The following MFSD6 variants were observed in gnomAD, a reference collection of about 807,000 sequenced individuals.
MFSD6 encodes major facilitator superfamily domain containing 6, also known as major facilitator superfamily domain-containing protein 6.
MFSD6 carries 26 observed loss-of-function variants against 56.3 expected under a neutral mutation model. That is an observed-to-expected ratio of 0.46 (90% CI 0.34 to 0.64). The LOEUF is 0.64. Ranked by LOEUF, MFSD6 falls within the 30% of genes least tolerant of loss-of-function variation. The pLI is 0.01. For missense variants in MFSD6, 750 were observed against 986.2 expected (o/e 0.76, Z 3.21); for synonymous variants, 331 against 366.9 (o/e 0.90, Z 1.12).
In MFSD6 at chr2:190,436,784, C is replaced by T; in HGVS notation, c.755C>T (p.Pro252Leu). Residue 252 changes from proline (P) to leucine (L), a missense_variant, in exon 3 of 8, where the codon CCA (proline) becomes CTA (leucine). Around this residue, in one of 5 missense-constraint regions of MFSD6, gnomAD observed 376 missense variants for 437.9 expected, o/e 0.86. Coordinates refer to ENST00000392328, the MANE Select transcript of MFSD6 (RefSeq NM_017694.4). The surrounding 1 kb of genome is among the most constrained non-coding windows in gnomAD (Gnocchi z 5.3). ...LNSSTATPVS[P>L]GSVTKETTTV... is the part of the protein sequence containing the mutation. ...TCAAGCACAGCAACCCCTGTCTCCCCAGGAAGCGTAACCAAGGAGACAACC... is the reference window on the plus strand; with the variant it reads ...TCAAGCACAGCAACCCCTGTCTCCCTAGGAAGCGTAACCAAGGAGACAACC... 6.2e-7 allele frequency: 1 copy of T among 1,614,202 alleles called. No homozygotes were observed. The highest frequency in any genetic ancestry group is 8.5e-7 in the Non-Finnish European group (1 of 1,180,028).
At chr2:190,435,897 T>C in intron 2 of MFSD6, 80 bp from the exon 3 acceptor site, 1 of 1,216,194 alleles carries the variant, frequency 8.2e-7, no homozygotes, top group Non-Finnish European at 1.1e-6. Flanking sequence ...TGTAACTGCT[T>C]AATTTCCTGC....
rs1687567190 is a variant in MFSD6 at position 190,465,674 on chromosome 2, T to G, written c.1533-4084T>G. On this transcript the variant is annotated intron_variant, in intron 3 of 7. Transcript: ENST00000392328. The surrounding 1 kb of genome is among the most constrained non-coding windows in gnomAD (Gnocchi z 4.6). Reference sequence around the variant, plus strand: ...TTCATTTGCTTGGGTTACCACAAAGTACCACGGTCTGGGTGGCTTAAAAAA... The same window carrying G: ...TTCATTTGCTTGGGTTACCACAAAGGACCACGGTCTGGGTGGCTTAAAAAA... Among the ~76,000 whole-genome samples the G allele has an allele frequency of 1.3e-5, 2 of 152,200 alleles. No individual in the cohort carries two copies. Among genetic ancestry groups the G allele is most frequent in the Non-Finnish European group, 2.9e-5 (2 of 68,036 alleles).
At chr2:190,475,918 A>G (rs1369528482) in intron 4 of MFSD6, among the ~76,000 whole-genome samples, 4 of 152,174 alleles carry the variant, frequency 2.6e-5, no homozygotes, top group South Asian at 2.1e-4. Context: ...CATATCTACA[A>G]CTATCTGATC....
chr2:190,477,265 A>G, intron 4 of MFSD6: 1 of 984,078 alleles, frequency 1.0e-6, no homozygotes, highest in Non-Finnish European at 1.2e-6. Flanking sequence ...TAACAAGGTA[A>G]TATGCAACAC....
At chr2:190,478,114 T>C (rs1354830132) in intron 4 of MFSD6, among the ~76,000 whole-genome samples, 1 of 152,212 alleles carries the variant, frequency 6.6e-6, no homozygotes, top group African/African-American at 2.4e-5. Context: ...TCCCAGGATT[T>C]AGGGAGCTGG....
At position 190,492,856 on chromosome 2, in the gene MFSD6, C is replaced by T. The variant is rs995743286; in HGVS notation, c.1891+2990C>T. ...AATTTGCCACTCACCACCAAGCCAG[C>T]ACTACAAGAGCTGAAAGGAGCTCTA... On this transcript the variant is annotated intron_variant, in intron 6 of 7. Coordinates refer to ENST00000392328, the MANE Select transcript of MFSD6 (RefSeq NM_017694.4). This position sits in a 1 kb window ranked among gnomAD's most constrained non-coding sequence, Gnocchi z 5.2. 2.0e-5 allele frequency among the ~76,000 whole-genome samples: 3 copies of T among 151,746 alleles called. No homozygotes were observed. The highest frequency in any genetic ancestry group is 7.3e-5 in the African/African-American group (3 of 41,174).
chr2:190,433,299 T>C lies in MFSD6; in HGVS notation c.-53-2678T>C, dbSNP rs1686069997. 2 of 152,210 alleles carry C rather than the reference T, an allele frequency of 1.3e-5. No homozygotes were observed. Among genetic ancestry groups the C allele is most frequent in the Non-Finnish European group, 2.9e-5 (2 of 68,028 alleles). 9.4% of individuals were successfully genotyped at this position (152,210 alleles called of 1,614,324 possible). A position where few individuals can be genotyped will look rare whatever the true frequency, so the allele number is the denominator to read the frequency against. Reference sequence around the variant, plus strand: ...AATTAAATTAATTTAGAAAATAGATTTGAGGGCAAATTATTTTTTCTTTTC... The same window carrying C: ...AATTAAATTAATTTAGAAAATAGATCTGAGGGCAAATTATTTTTTCTTTTC... On this transcript the variant is annotated intron_variant, in intron 2 of 7. Transcript: ENST00000392328. This position sits in a 1 kb window ranked among gnomAD's most constrained non-coding sequence, Gnocchi z 4.5.
intron 2 of MFSD6, among the ~76,000 whole-genome samples, chr2:190,428,392 A>G (rs1388134966): frequency 1.3e-5 from 2 of 152,184 alleles, no homozygotes; most frequent in Non-Finnish European, 2.9e-5. Context: ...TTTTTAAAGT[A>G]GTGTATCAAT....
rs2125089205 is a variant in MFSD6 at position 190,451,696 on chromosome 2, CA to C, written c.1532+14136del. Among the ~76,000 whole-genome samples, 1 of 152,304 alleles carries C rather than the reference CA, an allele frequency of 6.6e-6. No individual in the cohort carries two copies. Among genetic ancestry groups the C allele is most frequent in the African/African-American group, 2.4e-5 (1 of 41,564 alleles). On this transcript the variant is annotated intron_variant, in intron 3 of 7. Transcript: ENST00000392328. This position sits in a 1 kb window ranked among gnomAD's most constrained non-coding sequence, Gnocchi z 5.0. Reference sequence around the variant, plus strand: ...GAGCAGAGTCCTGAATGGAAGCCCCCAGTGAAGATCTTGGGGACAGAGAAAA... The same window carrying C: ...GAGCAGAGTCCTGAATGGAAGCCCCCGTGAAGATCTTGGGGACAGAGAAAA...
chr2:190,435,510 G>T (rs901597106), intron 2 of MFSD6, among the ~76,000 whole-genome samples: 1 of 152,186 alleles, frequency 6.6e-6, no homozygotes, highest in African/African-American at 2.4e-5. Flanking sequence ...CATTACATTT[G>T]TGGTTGTGGT....
intron 3 of MFSD6, among the ~76,000 whole-genome samples, chr2:190,464,381 G>A (rs937237395): frequency 3.3e-5 from 5 of 152,130 alleles, no homozygotes; most frequent in South Asian, 2.1e-4. Context: ...GCTCTTTTGC[G>A]TCTCAGATCT....
At chr2:190,432,987 C>G (rs936406226) in intron 2 of MFSD6, among the ~76,000 whole-genome samples, 3 of 152,100 alleles carry the variant, frequency 2.0e-5, no homozygotes, top group African/African-American at 7.3e-5. Context: ...TATAATCAAC[C>G]AAGGTTTTAG....
At chr2:190,408,345 C>CGCCCA (rs1241349695), upstream of MFSD6, 3 of 151,704 alleles carry the variant, frequency 2.0e-5, no homozygotes, top group Non-Finnish European at 4.4e-5. Flanking sequence ...CGCCGCGCCC[C>CGCCCA]GCCCAGCCCG....
Position 190,496,621 on chromosome 2 carries a change from T to C in MFSD6, c.1892-818T>C, listed in dbSNP as rs567339421. Among the ~76,000 whole-genome samples, 3 of 152,104 alleles carry C rather than the reference T, an allele frequency of 2.0e-5. No individual in the cohort carries two copies. The highest frequency in any genetic ancestry group is 4.4e-5 in the Non-Finnish European group (3 of 68,018). On this transcript the variant is annotated intron_variant, in intron 6 of 7. Transcript: ENST00000392328. This position sits in a 1 kb window ranked among gnomAD's most constrained non-coding sequence, Gnocchi z 4.7. ...GGATAAAGAAACTGTAGTGTGTGTA[T>C]GTATGTATATGTGTGTATATATATG...
In MFSD6 at chr2:190,451,017, G is replaced by T. The variant is rs1686758773; in HGVS notation, c.1532+13456G>T. On this transcript the variant is annotated intron_variant, in intron 3 of 7. Transcript: ENST00000392328. This position sits in a 1 kb window ranked among gnomAD's most constrained non-coding sequence, Gnocchi z 5.0. ...GCCAAGCATTTCATTCCATTGAGGA[G>T]AATGAGAAGAGAGCAAGTTGGTCTA... is the stretch of plus-strand genomic sequence containing the variant. 6.6e-6 allele frequency among the ~76,000 whole-genome samples: 1 copy of T among 152,176 alleles called. No individual in the cohort carries two copies. The highest frequency in any genetic ancestry group is 2.1e-4 in the South Asian group (1 of 4,826).
rs1380797397 is a variant in MFSD6, at chr2:190,454,543, C to A, written c.1533-15215C>A. The A allele has an allele frequency of 6.6e-6, 1 of 152,214 alleles. No individual in the cohort carries two copies. The highest frequency in any genetic ancestry group is 2.4e-5 in the African/African-American group (1 of 41,400). The allele number at this position is 152,214 out of a possible 1,614,324, so 9.4% of individuals were successfully genotyped here. On this transcript the variant is annotated intron_variant, in intron 3 of 7. Coordinates refer to ENST00000392328, the MANE Select transcript of MFSD6 (RefSeq NM_017694.4). This position sits in a 1 kb window ranked among gnomAD's most constrained non-coding sequence, Gnocchi z 4.6. ...TTTTTCTCTTTCTTTACCCTTCCCTCTTCCCCTCTGCCGCCCTCCCTCTAC... is the reference window on the plus strand; with the variant it reads ...TTTTTCTCTTTCTTTACCCTTCCCTATTCCCCTCTGCCGCCCTCCCTCTAC...
chr2:190,486,877 G>C (rs1689041172), intron 4 of MFSD6, among the ~76,000 whole-genome samples: 1 of 152,160 alleles, frequency 6.6e-6, no homozygotes. Flanking sequence ...TACATTTAAA[G>C]CAGTGTCTTA....
rs1685737293 is a variant in MFSD6 at position 190,424,793 on chromosome 2, A to G, written c.-54+9380A>G. On this transcript the variant is annotated intron_variant, in intron 2 of 7. Transcript: ENST00000392328. The surrounding 1 kb of genome is among the most constrained non-coding windows in gnomAD (Gnocchi z 5.9). Reference sequence around the variant, plus strand: ...GTTCTGTATTCTGTTACATTGATCTATGTGTCTGTCCTTCTGCTAATACCA... The same window carrying G: ...GTTCTGTATTCTGTTACATTGATCTGTGTGTCTGTCCTTCTGCTAATACCA... Among the ~76,000 whole-genome samples the G allele has an allele frequency of 6.6e-6, 1 of 152,136 alleles. No individual in the cohort carries two copies. The highest frequency in any genetic ancestry group is 1.5e-5 in the Non-Finnish European group (1 of 68,028).
Position 190,418,545 on chromosome 2 carries a change from C to G in MFSD6, c.-54+3132C>G, listed in dbSNP as rs185433226. ...CTGAGGCAAATGGATCACTTGAGCC[C>G]AGGAGTTCAAGACCAGCCTGGGCAA... On this transcript the variant is annotated intron_variant, in intron 2 of 7. Transcript: ENST00000392328. This position sits in a 1 kb window ranked among gnomAD's most constrained non-coding sequence, Gnocchi z 4.1. Among the ~76,000 whole-genome samples, 13 of 152,138 alleles carry G rather than the reference C, an allele frequency of 8.5e-5. No homozygotes were observed. The highest frequency in any genetic ancestry group is 3.1e-4 in the African/African-American group (13 of 41,482).
Sources: gnomAD v4.1 joint callset for allele counts (sites outside exome capture counted in the v4.1 genomes callset) on GRCh38, gnomAD v4.1.1 for gene constraint, gnomAD v4.1.1 regional missense constraint, Gnocchi (gnomAD v3.1) non-coding constraint, MANE v1.5 for transcripts, NCBI Gene and HGNC (gene_info 2026-07-23, HGNC 2026-07-21) for gene names.